LRFN5: variants seen among roughly 807,000 people sequenced by gnomAD.
LRFN5 encodes leucine-rich repeat and fibronectin type-III domain-containing protein 5.
Under a neutral mutation model 45.6 loss-of-function variants are expected in LRFN5, and 24 were observed. The ratio of observed to expected loss-of-function variants is 0.53; its 90% CI spans 0.38 to 0.74. LRFN5 has a LOEUF of 0.74. Ranked by LOEUF, LRFN5 falls within the 30% of genes least tolerant of loss-of-function variation. LRFN5 has a pLI of 0.00. For synonymous variants in LRFN5, 340 were observed against 313.8 expected (o/e 1.08, Z -0.88); for missense variants, 776 against 861.5 (o/e 0.90, Z 1.24).
intron 1 of LRFN5, among the ~76,000 whole-genome samples, chr14:41,713,509 C>CA (rs1460414163): frequency 1.4e-5 from 2 of 145,280 alleles, no homozygotes; most frequent in African/African-American, 2.5e-5. Context: ...TTGAGGTATA[C>CA]AAAAAAATCT....
In LRFN5 at chr14:41,680,410, T is replaced by G. The variant is rs561537505; in HGVS notation, c.-197+71848T>G. On this transcript the variant is annotated intron_variant, in intron 1 of 5. Transcript: ENST00000298119. ...ACTCCTCCCTCAGCTCTGTGCAGCT[T>G]GAGACACACAGAGAGAATGTGTTTG... 3.3e-5 allele frequency among the ~76,000 whole-genome samples: 5 copies of G among 152,202 alleles called. No individual in the cohort carries two copies. The East Asian group carries it at 9.7e-4, about 30-fold the overall frequency.
At chr14:41,610,787 T>C (rs2138536432) in intron 1 of LRFN5, among the ~76,000 whole-genome samples, 1 of 148,084 alleles carries the variant, frequency 6.8e-6, no homozygotes, top group South Asian at 2.1e-4. Context: ...TTTTTTTTTG[T>C]CTTTTAATGA....
intron 1 of LRFN5, among the ~76,000 whole-genome samples, chr14:41,633,953 G>A (rs1888638079): frequency 6.6e-6 from 1 of 151,860 alleles, no homozygotes. Context: ...TAGAGATATG[G>A]AACAAAGAAA....
intron 3 of LRFN5, among the ~76,000 whole-genome samples, chr14:41,890,706 CA>C (rs541053292): frequency 0.041 from 2,482 of 60,574 alleles, 24 homozygotes; most frequent in Admixed American, 0.046. Context: ...GACTCCGTCT[CA>C]AAAAAAAAAA....
At chr14:41,835,784 A>G (rs1216836052) in intron 2 of LRFN5, among the ~76,000 whole-genome samples, 3 of 152,130 alleles carry the variant, frequency 2.0e-5, no homozygotes, top group African/African-American at 7.2e-5. Flanking sequence ...GTAGAGAGAA[A>G]CAGATTTTGG....
chr14:41,868,489 T>TA (rs1889912134), intron 2 of LRFN5, among the ~76,000 whole-genome samples: 1 of 152,082 alleles, frequency 6.6e-6, no homozygotes, highest in Non-Finnish European at 1.5e-5. Context: ...TTTACTTATC[T>TA]AAAAAATCCT....
At chr14:41,729,210 C>T (rs1390479783) in intron 1 of LRFN5, among the ~76,000 whole-genome samples, 1 of 152,118 alleles carries the variant, frequency 6.6e-6, no homozygotes, top group Non-Finnish European at 1.5e-5. Context: ...TTGTGAATGG[C>T]TTAGCACCAT....
At chr14:41,625,786 A>G (rs1056110310) in intron 1 of LRFN5, among the ~76,000 whole-genome samples, 5 of 152,164 alleles carry the variant, frequency 3.3e-5, no homozygotes, top group Non-Finnish European at 7.4e-5. Flanking sequence ...TGTCAAGTAC[A>G]ACATCAAAAA....
At position 41,765,315 on chromosome 14, in the gene LRFN5, C is replaced by T. The variant is rs1028554263; in HGVS notation, c.-196-1539C>T. Among the ~76,000 whole-genome samples, 35 of 147,720 alleles carry T rather than the reference C, an allele frequency of 2.4e-4. 1 individual carries two copies. The highest frequency in any genetic ancestry group is 4.7e-4 in the Non-Finnish European group (32 of 67,522). ...CGAGATCGCGCCACTGCACTCCAGC[C>T]TGGGCTACTGAGCGAGACTCCGTCT... On this transcript the variant is annotated intron_variant, in intron 1 of 5. Transcript: ENST00000298119.
intron 1 of LRFN5, among the ~76,000 whole-genome samples, chr14:41,634,679 A>G (rs17781300): frequency 0.015 from 2,325 of 152,230 alleles, 29 homozygotes; most frequent in Non-Finnish European, 0.024. Flanking sequence ...TAAGACCTGT[A>G]TGTTCCAATG....
At chr14:41,671,616 C>CTTTTTTTTTTTTTTTTTTTTTT (rs1566613142) in intron 1 of LRFN5, among the ~76,000 whole-genome samples, 1 of 37,220 alleles carries the variant, frequency 2.7e-5, no homozygotes, top group African/African-American at 1.9e-4. Flanking sequence ...TTTTTTTTTT[C>CTTTTTTTTTTTTTTTTTTTTTT]GTTTTTTTTT....
intron 1 of LRFN5, among the ~76,000 whole-genome samples, chr14:41,713,839 C>T (rs547729095): frequency 1.6e-3 from 244 of 152,110 alleles, no homozygotes; most frequent in African/African-American, 5.6e-3. Flanking sequence ...GTGTTCATGC[C>T]TTATAACTTC....
At chr14:41,894,576 T>A (rs1222087154) in intron 4 of LRFN5, 2 of 970,968 alleles carry the variant, frequency 2.1e-6, no homozygotes, top group Non-Finnish European at 2.4e-6. Context: ...AAGGTCAAAA[T>A]TTTTTTGTAT....
At chr14:41,714,578 A>G (rs1400245102) in intron 1 of LRFN5, among the ~76,000 whole-genome samples, 1 of 152,084 alleles carries the variant, frequency 6.6e-6, no homozygotes, top group African/African-American at 2.4e-5. Flanking sequence ...TGATGTGTGG[A>G]GAACATTGGT....
At chr14:41,738,611 C>T (rs1048174904) in intron 1 of LRFN5, among the ~76,000 whole-genome samples, 3 of 152,090 alleles carry the variant, frequency 2.0e-5, no homozygotes, top group South Asian at 2.1e-4. Context: ...CTCTTCTGGC[C>T]TGCAAGCTTT....
Position 41,610,661 on chromosome 14 carries a change from T to TAAAAAAAAAAAAAAAAAAAAAAAA in LRFN5, c.-197+2121_-197+2122insAAAAAAAAAAAAAAAAAAAAAAAA. Among the ~76,000 whole-genome samples, 125 of 37,330 alleles carry TAAAAAAAAAAAAAAAAAAAAAAAA rather than the reference T, an allele frequency of 3.3e-3. 27 individuals carry two copies. Among genetic ancestry groups the TAAAAAAAAAAAAAAAAAAAAAAAA allele is most frequent in the Non-Finnish European group, 6.7e-3 (98 of 14,712 alleles). 24.5% of individuals were successfully genotyped at this position (37,330 alleles called of 152,430 possible). A position where few individuals can be genotyped will look rare whatever the true frequency, so the allele number is the denominator to read the frequency against. ...TACCCCTCTGAGGTCCCAGGGAAGG[T>TAAAAAAAAAAAAAAAAAAAAAAAA]AAAAAAAAAAAAAAAAAAAAAAGTG... is the stretch of plus-strand genomic sequence containing the variant. On this transcript the variant is annotated intron_variant, in intron 1 of 5. Transcript: ENST00000298119.
intron 2 of LRFN5, among the ~76,000 whole-genome samples, chr14:41,816,559 ATG>A (rs3032265): frequency 0.016 from 2,505 of 151,924 alleles, 58 homozygotes; most frequent in African/African-American, 0.055. Flanking sequence ...ACAGTATTCT[ATG>A]TTTTTTTCTT....
intron 4 of LRFN5, chr14:41,892,757 T>G: frequency 1.0e-6 from 1 of 985,376 alleles, no homozygotes; most frequent in African/African-American, 1.7e-5. Flanking sequence ...TACACCTTTT[T>G]CAGTGGAAAG....
chr14:41,688,792 C>A (rs1300963115), intron 1 of LRFN5, among the ~76,000 whole-genome samples: 3 of 151,720 alleles, frequency 2.0e-5, no homozygotes, highest in Non-Finnish European at 4.4e-5. Flanking sequence ...TTTAAAGAAG[C>A]CAAGCACAGT....
Sources: gnomAD v4.1 joint callset for allele counts (sites outside exome capture counted in the v4.1 genomes callset) on GRCh38, gnomAD v4.1.1 for gene constraint, MANE v1.5 for transcripts, NCBI Gene and HGNC (gene_info 2026-07-23, HGNC 2026-07-21) for gene names.